Variants in HGSNAT observed in about 807,000 individuals in gnomAD.
The protein encoded by HGSNAT is transmembrane protein 76.
A neutral mutation model predicts 85.2 loss-of-function variants in HGSNAT; 59 were observed. The observed-to-expected ratio is 0.69, with a 90% CI of 0.56 to 0.86. The LOEUF (loss-of-function observed/expected upper bound fraction) is 0.86. Ranked by LOEUF, HGSNAT falls within the 40% of genes least tolerant of loss-of-function variation. The pLI is 0.00. For synonymous variants in HGSNAT, 321 were observed against 304.5 expected (o/e 1.05, Z -0.56); for missense variants, 756 against 777.1 (o/e 0.97, Z 0.32).
At chr8:43,158,177 C>A (rs1354977654) in intron 2 of HGSNAT, among the ~76,000 whole-genome samples, 1 of 152,156 alleles carries the variant, frequency 6.6e-6, no homozygotes, top group African/African-American at 2.4e-5. Context: ...CAGCTCACTG[C>A]AACCTCCTAC....
intron 11 of HGSNAT, 171 bp downstream of exon 11, chr8:43,182,431 C>A: frequency 2.9e-6 from 2 of 683,342 alleles, no homozygotes; most frequent in Non-Finnish European, 5.3e-6. Flanking sequence ...AGCCACCATG[C>A]CTGGCCAGAA....
At chr8:43,151,425 G>A (rs1802914188) in intron 2 of HGSNAT, among the ~76,000 whole-genome samples, 1 of 152,220 alleles carries the variant, frequency 6.6e-6, no homozygotes, top group Non-Finnish European at 1.5e-5. Flanking sequence ...TCTGTAAGCT[G>A]AAGCAGAGCG....
At chr8:43,165,382 G>T (rs1387946614) in intron 5 of HGSNAT, among the ~76,000 whole-genome samples, 3 of 151,528 alleles carry the variant, frequency 2.0e-5, no homozygotes, top group Admixed American at 6.6e-5. Context: ...CCTCTCTTTG[G>T]GCTTCTCTAT....
chr8:43,182,361 C>G, intron 11 of HGSNAT, 101 bp downstream of exon 11: 1 of 974,600 alleles, frequency 1.0e-6, no homozygotes, highest in Non-Finnish European at 1.6e-6. Context: ...TGGTCCCTCA[C>G]TCCTGGCTTC....
intron 2 of HGSNAT, among the ~76,000 whole-genome samples, chr8:43,150,166 G>A (rs1239612725): frequency 6.6e-6 from 1 of 151,962 alleles, no homozygotes; most frequent in Non-Finnish European, 1.5e-5. Context: ...TTTTGGCCAC[G>A]CTGGTCCTGA....
At chr8:43,140,919 CAG>C (rs1802504212) in intron 1 of HGSNAT, among the ~76,000 whole-genome samples, 1 of 152,190 alleles carries the variant, frequency 6.6e-6, no homozygotes, top group Non-Finnish European at 1.5e-5. Flanking sequence ...TCCGTCTAAA[CAG>C]AGGCCGCGGA....
chr8:43,150,541 T>C (rs1232888796), intron 2 of HGSNAT, among the ~76,000 whole-genome samples: 4 of 149,770 alleles, frequency 2.7e-5, no homozygotes, highest in African/African-American at 9.9e-5. Context: ...GTATTTAAAA[T>C]TGCTTTTGGA....
rs1804922839 is a variant in HGSNAT, at chr8:43,201,737, A to G, written c.*2168A>G. ...TAGACTGTGAGCTTCCTAAGGCAAG[A>G]ATCATGCCTTGTTGGTTTCTGTATT... On this transcript the variant is annotated 3_prime_UTR_variant, in exon 18 of 18. Transcript: ENST00000379644. The surrounding 1 kb of genome is among the most constrained non-coding windows in gnomAD (Gnocchi z 4.4). 1 of 152,244 alleles carries G rather than the reference A, an allele frequency of 6.6e-6. No individual in the cohort carries two copies. The highest frequency in any genetic ancestry group is 6.5e-5 in the Admixed American group (1 of 15,286). 9.4% of individuals were successfully genotyped at this position (152,244 alleles called of 1,614,324 possible).
At chr8:43,149,931 C>A (rs1017685141) in intron 2 of HGSNAT, among the ~76,000 whole-genome samples, 1 of 151,824 alleles carries the variant, frequency 6.6e-6, no homozygotes, top group African/African-American at 2.4e-5. Context: ...TATCTCACTT[C>A]CTTAAAGTAG....
At chr8:43,190,742 C>T (rs1215974807) in intron 11 of HGSNAT, among the ~76,000 whole-genome samples, 1 of 152,106 alleles carries the variant, frequency 6.6e-6, no homozygotes, top group Non-Finnish European at 1.5e-5. Context: ...AATTTTAAAT[C>T]ACAGGTATAT....
intron 10 of HGSNAT, among the ~76,000 whole-genome samples, chr8:43,179,714 AC>A (rs1437851194): frequency 4.8e-4 from 2 of 4,142 alleles, no homozygotes; most frequent in African/African-American, 1.3e-3. Context: ...TGGGGGGATG[AC>A]CCCCCCACCT....
At chr8:43,156,611 T>C (rs767471563) in intron 2 of HGSNAT, among the ~76,000 whole-genome samples, 3 of 152,250 alleles carry the variant, frequency 2.0e-5, no homozygotes, top group East Asian at 3.8e-4. Context: ...ATAATTGATA[T>C]GATTTTGATT....
At chr8:43,191,937 T>TC (rs1220129216) in intron 12 of HGSNAT, among the ~76,000 whole-genome samples, 1 of 151,984 alleles carries the variant, frequency 6.6e-6, no homozygotes, top group Non-Finnish European at 1.5e-5. Context: ...GTTTTTTTTT[T>TC]CTCTTTTTGG....
In HGSNAT at chr8:43,199,399, A is replaced by T; in HGVS notation, c.1738A>T (p.Ile580Phe). Reference sequence around the variant, plus strand: ...TCTCTCTCCTTAAGGAATGAATTCCATTCTGGTATATGTCGGCCACGAGGT... The same window carrying T: ...TCTCTCTCCTTAAGGAATGAATTCCTTTCTGGTATATGTCGGCCACGAGGT... Reference protein sequence around the residue: ...TPFFYPGMNSILVYVGHEVFE... With the variant: ...TPFFYPGMNSFLVYVGHEVFE... The change falls in exon 18 of 18, where the codon ATT becomes TTT. Residue 580 changes from isoleucine (I) to phenylalanine (F), a missense_variant. Physicochemically the swap from Ile to Phe is conservative, Grantham distance 21. Coordinates refer to ENST00000379644, the MANE Select transcript of HGSNAT (RefSeq NM_152419.3). 6.3e-7 allele frequency: 1 copy of T among 1,596,514 alleles called. No homozygotes were observed. The highest frequency in any genetic ancestry group is 8.5e-7 in the Non-Finnish European group (1 of 1,169,930).
At chr8:43,170,022 T>C (rs1803563008) in intron 6 of HGSNAT, among the ~76,000 whole-genome samples, 1 of 150,310 alleles carries the variant, frequency 6.7e-6, no homozygotes, top group Non-Finnish European at 1.5e-5. Context: ...GGTTTCACCA[T>C]GTTGCCCAGG....
chr8:43,143,549 T>A (rs895022834), intron 1 of HGSNAT, among the ~76,000 whole-genome samples: 2 of 151,694 alleles, frequency 1.3e-5, no homozygotes, highest in Admixed American at 1.3e-4. Flanking sequence ...TTCTTTTTTT[T>A]TTTTTTGAGA....
rs1306803080 is a variant in HGSNAT at position 43,200,441 on chromosome 8, C to G, written c.*872C>G. 6.6e-6 allele frequency: 1 copy of G among 152,208 alleles called. No homozygotes were observed. Among genetic ancestry groups the G allele is most frequent in the Non-Finnish European group, 1.5e-5 (1 of 68,052 alleles). 9.4% of individuals were successfully genotyped at this position (152,208 alleles called of 1,614,324 possible). The stretch of plus-strand genomic sequence containing the variant: ...GAAGATGACTCTCAGTTCCTTCCAC[C>G]TCTTAGACATGGTGAGGTAACAGAC... On this transcript the variant is annotated 3_prime_UTR_variant, in exon 18 of 18. Transcript: ENST00000379644.
Position 43,202,370 on chromosome 8 carries a change from C to G in HGSNAT, c.*2801C>G, listed in dbSNP as rs886062964. On this transcript the variant is annotated 3_prime_UTR_variant, in exon 18 of 18. Coordinates refer to ENST00000379644, the MANE Select transcript of HGSNAT (RefSeq NM_152419.3). ...AGCAGGGACAGGGAACTGTCCGAGC[C>G]CGTGGCTGTGTGGAGGAAGGCGACC... 1 of 152,280 alleles carries G rather than the reference C, an allele frequency of 6.6e-6. No individual in the cohort carries two copies. Among genetic ancestry groups the G allele is most frequent in the Admixed American group, 6.5e-5 (1 of 15,280 alleles). 9.4% of individuals were successfully genotyped at this position (152,280 alleles called of 1,614,324 possible).
chr8:43,194,798 G>T (rs1804652709), intron 14 of HGSNAT, among the ~76,000 whole-genome samples: 2 of 152,194 alleles, frequency 1.3e-5, no homozygotes, highest in Non-Finnish European at 2.9e-5. Context: ...TTATGAAAGA[G>T]AAGCCCCAGA....
Sources: gnomAD v4.1 joint callset for allele counts (sites outside exome capture counted in the v4.1 genomes callset) on GRCh38, gnomAD v4.1.1 for gene constraint, Gnocchi (gnomAD v3.1) non-coding constraint, MANE v1.5 for transcripts, NCBI Gene and HGNC (gene_info 2026-07-23, HGNC 2026-07-21) for gene names.